Variants in BTBD10 observed in about 807,000 individuals in gnomAD.
BTBD10 encodes BTB domain containing 10.
Under a neutral mutation model 53.2 loss-of-function variants are expected in BTBD10, and 21 were observed. That is an observed-to-expected ratio of 0.39 (90% confidence interval 0.28 to 0.57). The LOEUF (loss-of-function observed/expected upper bound fraction) is 0.57. BTBD10 is among the 20% of genes least tolerant of loss of function. The pLI, the probability that BTBD10 is intolerant of heterozygous loss-of-function variation, is 0.53. For missense variants in BTBD10, 360 were observed against 594.7 expected, an observed-to-expected ratio of 0.61 and a Z score of 4.10; for synonymous variants, 149 against 192.7, an observed-to-expected ratio of 0.77 and a Z score of 1.88.
chr11:13,419,441 T>C lies in BTBD10; in HGVS notation c.584+19A>G. 6.3e-7 allele frequency: 1 copy of C among 1,597,616 alleles called. No homozygotes were observed. Among genetic ancestry groups the C allele is most frequent in the Non-Finnish European group, 8.5e-7 (1 of 1,175,298 alleles). On this transcript the variant is annotated intron_variant, in intron 4 of 8. Coordinates refer to ENST00000278174, the MANE Select transcript of BTBD10 (RefSeq NM_032320.7). ...AGCACATTATAATTAGTAATGCAAATAACTGCAATAATACAAACCTGCCCA... is the reference window on the plus strand; with the variant it reads ...AGCACATTATAATTAGTAATGCAAACAACTGCAATAATACAAACCTGCCCA...
intron 4 of BTBD10, 134 bp from the exon 5 acceptor site, chr11:13,417,394 T>C (rs1015615348): frequency 1.1e-4 from 67 of 593,158 alleles, no homozygotes; most frequent in Non-Finnish European, 1.5e-4. Flanking sequence ...TAATTTATTC[T>C]GGCAAACATC....
At chr11:13,410,366 GA>G (rs1348545966) in intron 6 of BTBD10, among the ~76,000 whole-genome samples, 1 of 152,012 alleles carries the variant, frequency 6.6e-6, no homozygotes, top group South Asian at 2.1e-4. Flanking sequence ...GGAGAGTCAA[GA>G]AAAAATGAGT....
At chr11:13,442,182 T>G (rs1331846384) in intron 2 of BTBD10, among the ~76,000 whole-genome samples, 1 of 152,174 alleles carries the variant, frequency 6.6e-6, no homozygotes, top group Non-Finnish European at 1.5e-5. Flanking sequence ...CAGTGTTTAG[T>G]CTTGTTTTCT....
In BTBD10 at chr11:13,388,879, A is replaced by G; in HGVS notation, c.1380T>C (p.Pro460=). 1 of 1,614,108 alleles carries G rather than the reference A, an allele frequency of 6.2e-7. No homozygotes were observed. Among genetic ancestry groups the G allele is most frequent in the Non-Finnish European group, 8.5e-7 (1 of 1,179,954 alleles). ...DELDILPIHP[P]SGNSDLDPDA... ...CAGGATCGAGGTCACTGTTGCCAGAAGGGGGATGGATAGGGAGAATATCCA... is the reference window on the plus strand; with the variant it reads ...CAGGATCGAGGTCACTGTTGCCAGAGGGGGGATGGATAGGGAGAATATCCA... The change falls in exon 9 of 9, where the codon CCT becomes CCC. Residue 460 remains proline (P), a synonymous_variant. Coordinates refer to ENST00000278174, the MANE Select transcript of BTBD10 (RefSeq NM_032320.7).
chr11:13,394,790 C>T (rs538477863), intron 8 of BTBD10, among the ~76,000 whole-genome samples: 23 of 151,436 alleles, frequency 1.5e-4, no homozygotes, highest in East Asian at 5.8e-4. Context: ...TGAGACCATG[C>T]GGTGTTTGGC....
intron 8 of BTBD10, among the ~76,000 whole-genome samples, chr11:13,401,158 C>T (rs1042227764): frequency 1.3e-5 from 2 of 150,204 alleles, no homozygotes; most frequent in African/African-American, 4.9e-5. Context: ...TATATACACA[C>T]ACACATATAA....
intron 8 of BTBD10, among the ~76,000 whole-genome samples, chr11:13,390,842 T>G (rs1949389955): frequency 1.3e-5 from 2 of 152,188 alleles, no homozygotes; most frequent in Non-Finnish European, 2.9e-5. Context: ...TATGTGTGTA[T>G]GTGGTGGGGG....
At chr11:13,461,870 G>A (rs1178414960) in intron 1 of BTBD10, among the ~76,000 whole-genome samples, 2 of 151,506 alleles carry the variant, frequency 1.3e-5, no homozygotes, top group Non-Finnish European at 2.9e-5. Flanking sequence ...CATACACGCT[G>A]AGAAATATTG....
intron 1 of BTBD10, among the ~76,000 whole-genome samples, 189 bp from the exon 2 acceptor site, chr11:13,445,370 T>C (rs1950733584): frequency 6.6e-6 from 1 of 152,224 alleles, no homozygotes; most frequent in Non-Finnish European, 1.5e-5. Context: ...ACTTTTCATT[T>C]GATTTGTCTA....
intron 2 of BTBD10, among the ~76,000 whole-genome samples, chr11:13,438,840 T>G (rs986106599): frequency 6.6e-6 from 1 of 151,974 alleles, no homozygotes; most frequent in Non-Finnish European, 1.5e-5. Flanking sequence ...GGGGAAAGTA[T>G]CCTATAAAGT....
At chr11:13,415,715 T>A (rs966395922) in intron 5 of BTBD10, among the ~76,000 whole-genome samples, 1 of 152,182 alleles carries the variant, frequency 6.6e-6, no homozygotes, top group African/African-American at 2.4e-5. Context: ...TTTTATCTTG[T>A]CTTTGTTTTC....
intron 8 of BTBD10, among the ~76,000 whole-genome samples, chr11:13,390,830 A>G (rs1468745187): frequency 6.6e-6 from 1 of 152,160 alleles, no homozygotes; most frequent in African/African-American, 2.4e-5. Flanking sequence ...CCATGTGTGG[A>G]GTATGTGTGT....
intron 8 of BTBD10, among the ~76,000 whole-genome samples, chr11:13,393,216 A>G (rs1476323968): frequency 1.3e-5 from 2 of 152,160 alleles, no homozygotes; most frequent in Admixed American, 1.3e-4. Flanking sequence ...GACTATAGCA[A>G]TCTCTCAATA....
intron 2 of BTBD10, among the ~76,000 whole-genome samples, chr11:13,422,574 G>A (rs866509719): frequency 3.3e-5 from 5 of 152,004 alleles, no homozygotes; most frequent in Non-Finnish European, 4.4e-5. Context: ...TCTGGGAGGC[G>A]AAGGTTGCGG....
chr11:13,418,852 T>G (rs1311356381), intron 4 of BTBD10, among the ~76,000 whole-genome samples: 1 of 152,138 alleles, frequency 6.6e-6, no homozygotes, highest in African/African-American at 2.4e-5. Context: ...ATTGTCTATA[T>G]CCTTCTTAGA....
At chr11:13,414,090 T>G (rs1391537318) in intron 5 of BTBD10, among the ~76,000 whole-genome samples, 1 of 152,214 alleles carries the variant, frequency 6.6e-6, no homozygotes, top group Non-Finnish European at 1.5e-5. Flanking sequence ...TAACAAAATG[T>G]GAGGTTTTTA....
chr11:13,415,906 T>G (rs1950095603), intron 5 of BTBD10, among the ~76,000 whole-genome samples: 1 of 151,698 alleles, frequency 6.6e-6, no homozygotes, highest in Non-Finnish European at 1.5e-5. Context: ...TCCACCTGCC[T>G]TGGTCTCTTA....
intron 8 of BTBD10, among the ~76,000 whole-genome samples, chr11:13,393,920 TA>T (rs1949469196): frequency 6.6e-6 from 1 of 152,164 alleles, no homozygotes; most frequent in Non-Finnish European, 1.5e-5. Flanking sequence ...TTCTTTCTCT[TA>T]AAAACAGAGA....
intron 2 of BTBD10, among the ~76,000 whole-genome samples, chr11:13,426,645 A>C (rs1348902920): frequency 6.6e-6 from 1 of 152,170 alleles, no homozygotes; most frequent in Non-Finnish European, 1.5e-5. Context: ...ACATCACTTG[A>C]AGGTATACTG....
Sources: allele counts gnomAD v4.1 joint callset (sites outside exome capture counted in the v4.1 genomes callset), GRCh38; gene constraint gnomAD v4.1.1; transcripts MANE v1.5; gene names NCBI Gene and HGNC (gene_info 2026-07-23, HGNC 2026-07-21).